Variants in PHF21A observed in about 807,000 individuals in gnomAD.
PHF21A encodes the protein BHC80a.
A neutral mutation model predicts 82.5 loss-of-function variants in PHF21A; 11 were observed. The observed-to-expected ratio is 0.13, with a 90% confidence interval of 0.08 to 0.22. The LOEUF is 0.22. PHF21A is among the 10% of genes least tolerant of loss of function. The pLI is 1.00. For synonymous variants in PHF21A, 297 were observed against 302.8 expected (o/e 0.98, Z 0.20); for missense variants, 579 against 837.8 (o/e 0.69, Z 3.81).
chr11:46,073,272 G>A (rs185264468), intron 6 of PHF21A, among the ~76,000 whole-genome samples: 182 of 151,282 alleles, frequency 1.2e-3, no homozygotes, highest in African/African-American at 4.1e-3. Flanking sequence ...AGCTTGCAGT[G>A]AGCCAAGACA....
intron 6 of PHF21A, among the ~76,000 whole-genome samples, chr11:46,021,153 G>A (rs1019382416): frequency 4.0e-5 from 6 of 151,616 alleles, no homozygotes; most frequent in African/African-American, 1.5e-4. Flanking sequence ...TTGACCTTCT[G>A]AGCTCAAGTG....
At chr11:46,061,943 A>G (rs546231075) in intron 6 of PHF21A, among the ~76,000 whole-genome samples, 1 of 152,186 alleles carries the variant, frequency 6.6e-6, no homozygotes, top group Admixed American at 6.5e-5. Context: ...TGATCAAGAG[A>G]TGGGTTGGGT....
chr11:45,965,184 A>G (rs1189225878), intron 10 of PHF21A, 131 bp downstream of exon 10: 1 of 770,620 alleles, frequency 1.3e-6, no homozygotes, highest in Non-Finnish European at 2.1e-6. Flanking sequence ...ATTATCGCAC[A>G]TAAGCGACAG....
At chr11:45,950,328 T>C (rs368739447) in intron 11 of PHF21A, 71 bp from the exon 12 acceptor site, 75 of 1,343,392 alleles carry the variant, frequency 5.6e-5, no homozygotes, top group Non-Finnish European at 7.0e-5. Flanking sequence ...CAGTTCCTAG[T>C]AGGACATTAG....
At chr11:46,019,747 CT>C (rs1263897550) in intron 6 of PHF21A, among the ~76,000 whole-genome samples, 3 of 152,096 alleles carry the variant, frequency 2.0e-5, no homozygotes, top group African/African-American at 7.2e-5. Context: ...TTTTATATTT[CT>C]GCTTGACAGT....
intron 10 of PHF21A, among the ~76,000 whole-genome samples, chr11:45,954,033 G>A (rs1057106145): frequency 2.0e-5 from 3 of 152,078 alleles, no homozygotes; most frequent in African/African-American, 7.2e-5. Flanking sequence ...TTTTGCTCTC[G>A]TTGCCCAGGC....
Position 45,979,791 on chromosome 11 carries a change from G to T in PHF21A, c.329C>A (p.Ala110Asp). ...QYHHHHAQQS[A>D]AASPNLTASQ... is the part of the protein sequence containing the mutation. ...AGCAGTCAGGTTGGGAGAGGCTGCA[G>T]CTGACTGCTGGGCGTGGTGGTGGTG... The change falls in exon 7 of 19, where the codon GCT (alanine) becomes GAT (aspartate). Residue 110 changes from alanine to aspartate, a missense_variant. Physicochemically the swap from Ala to Asp is moderately radical, Grantham distance 126. Transcript: ENST00000676320. 1 of 1,614,058 alleles carries T rather than the reference G, an allele frequency of 6.2e-7. No homozygotes were observed. Among genetic ancestry groups the T allele is most frequent in the Non-Finnish European group, 8.5e-7 (1 of 1,180,038 alleles).
intron 6 of PHF21A, among the ~76,000 whole-genome samples, chr11:45,988,337 A>T (rs192081124): frequency 1.5e-4 from 23 of 152,360 alleles, no homozygotes; most frequent in African/African-American, 5.3e-4. Flanking sequence ...TTCTTAGAAG[A>T]CAGAAAAAGA....
intron 3 of PHF21A, among the ~76,000 whole-genome samples, chr11:46,085,926 C>T (rs1246105221): frequency 6.6e-6 from 1 of 151,756 alleles, no homozygotes. Context: ...CATCAAAATA[C>T]TCAAACCTAA....
At chr11:45,948,093 C>CCT (rs2091553306) in intron 14 of PHF21A, among the ~76,000 whole-genome samples, 1 of 151,916 alleles carries the variant, frequency 6.6e-6, no homozygotes, top group Non-Finnish European at 1.5e-5. Context: ...TTCTAGCCTG[C>CCT]AACTATAATT....
At chr11:45,952,338 C>T (rs1244088286) in intron 11 of PHF21A, among the ~76,000 whole-genome samples, 1 of 152,116 alleles carries the variant, frequency 6.6e-6, no homozygotes, top group African/African-American at 2.4e-5. Context: ...ACCTCCCGGG[C>T]TCAAGTGATC....
intron 3 of PHF21A, among the ~76,000 whole-genome samples, chr11:46,087,223 C>T (rs1422161712): frequency 2.0e-5 from 3 of 152,104 alleles, no homozygotes; most frequent in Non-Finnish European, 4.4e-5. Context: ...GTAGATAAAG[C>T]ATCAGAAAAC....
At chr11:46,074,029 G>C (rs2096689371) in intron 6 of PHF21A, among the ~76,000 whole-genome samples, 1 of 152,044 alleles carries the variant, frequency 6.6e-6, no homozygotes, top group Non-Finnish European at 1.5e-5. Context: ...GGGAGAAACT[G>C]AGTAAGTATC....
In PHF21A at chr11:46,080,532, A is replaced by G. The variant is rs997384410; in HGVS notation, c.55-1366T>C. 5.3e-5 allele frequency among the ~76,000 whole-genome samples: 8 copies of G among 152,304 alleles called. No individual in the cohort carries two copies. In the South Asian group the frequency reaches 6.2e-4, roughly 12 times the overall value. On this transcript the variant is annotated intron_variant, in intron 4 of 18. Coordinates refer to ENST00000676320, the MANE Select transcript of PHF21A (RefSeq NM_001352027.3). ...AGAGGAATGATTATATTAATATACT[A>G]AACTATAAACAATAGGTTCCTTACA...
intron 16 of PHF21A, 166 bp from the exon 17 acceptor site, chr11:45,936,735 C>T: frequency 3.4e-6 from 2 of 594,802 alleles, no homozygotes; most frequent in Non-Finnish European, 5.9e-6. Flanking sequence ...TAAAAAGTTC[C>T]AAATATCAGC....
chr11:45,968,758 C>T (rs1375495499), intron 9 of PHF21A, among the ~76,000 whole-genome samples: 2 of 151,518 alleles, frequency 1.3e-5, no homozygotes, highest in African/African-American at 4.8e-5. Context: ...GACAAAACCC[C>T]GTCTCTACTA....
At chr11:46,055,049 G>A (rs1039017110) in intron 6 of PHF21A, among the ~76,000 whole-genome samples, 2 of 152,090 alleles carry the variant, frequency 1.3e-5, no homozygotes, top group South Asian at 2.1e-4. Context: ...AGGTTAGAGC[G>A]CCAAAACGTC....
At chr11:45,988,468 C>G (rs1253407074) in intron 6 of PHF21A, among the ~76,000 whole-genome samples, 2 of 152,180 alleles carry the variant, frequency 1.3e-5, no homozygotes, top group Non-Finnish European at 2.9e-5. Flanking sequence ...TAACTAAACA[C>G]TGGCATTTTT....
intron 7 of PHF21A, among the ~76,000 whole-genome samples, chr11:45,973,574 A>G (rs1023273607): frequency 1.3e-5 from 2 of 152,238 alleles, no homozygotes; most frequent in Admixed American, 6.5e-5. Context: ...TTTGGGGTGC[A>G]GTGGATCACC....
Sources: allele counts gnomAD v4.1 joint callset (sites outside exome capture counted in the v4.1 genomes callset), GRCh38; gene constraint gnomAD v4.1.1; transcripts MANE v1.5; gene names NCBI Gene and HGNC (gene_info 2026-07-23, HGNC 2026-07-21).